SEMA4B: variants seen among roughly 807,000 people sequenced by gnomAD.
The protein encoded by SEMA4B is semaphorin 4B.
Under a neutral mutation model 88.1 loss-of-function variants are expected in SEMA4B, and 55 were observed. The observed-to-expected ratio is 0.62, with a 90% CI of 0.50 to 0.78. SEMA4B has a LOEUF of 0.78. SEMA4B is among the 30% of genes least tolerant of loss of function. The probability of loss-of-function intolerance (pLI) is 0.00; values close to 1 mark genes in which losing one functional copy is unlikely to be tolerated. For synonymous variants in SEMA4B, 525 were observed against 473.6 expected, an observed-to-expected ratio of 1.11 and a Z score of -1.41; for missense variants, 1,062 against 1,111.9, an observed-to-expected ratio of 0.96 and a Z score of 0.64.
intron 1 of SEMA4B, chr15:90,206,838 T>A: frequency 1.4e-6 from 1 of 726,652 alleles, no homozygotes; most frequent in Non-Finnish European, 2.5e-6. Context: ...AATGGGTAGG[T>A]CTCTGTCAAA....
At chr15:90,211,506 G>A (rs1435876010) in intron 1 of SEMA4B, among the ~76,000 whole-genome samples, 1 of 152,150 alleles carries the variant, frequency 6.6e-6, no homozygotes, top group Non-Finnish European at 1.5e-5. Context: ...GCAGAATGTG[G>A]CCCCCTCCTC....
upstream of SEMA4B, among the ~76,000 whole-genome samples, chr15:90,198,819 G>A (rs1052514774): frequency 6.6e-6 from 1 of 152,176 alleles, no homozygotes; most frequent in Admixed American, 6.5e-5. Context: ...ATGAGATGGG[G>A]GAACCCTTGG....
Position 90,225,309 on chromosome 15 carries a change from G to A in SEMA4B, c.1433G>A (p.Ser478Asn). The stretch of plus-strand genomic sequence containing the variant: ...GACGGCCGGCTCCACAAGGCAGTGA[G>A]CGTGGGCCCCCGGGTGCACATCATT... ...TGDGRLHKAV[S>N]VGPRVHIIEE... is the part of the protein sequence containing the mutation. Residue 478 changes from serine (S) to asparagine (N), a missense_variant, in exon 11 of 14, where the codon AGC becomes AAC. Ser to Asn is a conservative substitution (Grantham distance 46). Transcript: ENST00000411539. The A allele has an allele frequency of 6.4e-7, 1 of 1,559,202 alleles. No individual in the cohort carries two copies. The highest frequency in any genetic ancestry group is 8.7e-7 in the Non-Finnish European group (1 of 1,152,114).
intron 1 of SEMA4B, among the ~76,000 whole-genome samples, chr15:90,194,447 G>A (rs1007984631): frequency 3.9e-5 from 6 of 151,974 alleles, no homozygotes; most frequent in African/African-American, 4.8e-5. Context: ...CAGGAGAATC[G>A]CTTGAACCCA....
chr15:90,224,102 CT>C, intron 9 of SEMA4B, 114 bp downstream of exon 9: 1 of 958,144 alleles, frequency 1.0e-6, no homozygotes, highest in Non-Finnish European at 1.5e-6. Context: ...CTCTGAATCT[CT>C]TTTCTCATCT....
Position 90,221,669 on chromosome 15 carries a change from C to G in SEMA4B, c.765C>G (p.Gly255=). Residue 255 remains glycine, a synonymous_variant, in exon 7 of 14, where the codon GGC becomes GGG. Coordinates refer to ENST00000411539, the MANE Select transcript of SEMA4B (RefSeq NM_198925.4). ...CTGAGAGCCTGGGCAGCTTGCAAGG[C>G]GATGATGACAAGATCTACTTTTTCT... ...YIPESLGSLQ[G]DDDKIYFFFS... is the part of the protein sequence containing the mutation. 6.2e-7 allele frequency: 1 copy of G among 1,613,998 alleles called. No homozygotes were observed. The highest frequency in any genetic ancestry group is 1.1e-5 in the South Asian group (1 of 91,086).
chr15:90,225,934 C>T, intron 12 of SEMA4B, 107 bp downstream of exon 12: 1 of 848,562 alleles, frequency 1.2e-6, no homozygotes, highest in Non-Finnish European at 1.7e-6. Flanking sequence ...CGTTTATGTC[C>T]ACTGTCTCAG....
At chr15:90,185,924 A>ATTTT (rs398028319) in intron 1 of SEMA4B, among the ~76,000 whole-genome samples, 55 of 55,456 alleles carry the variant, frequency 9.9e-4, no homozygotes, top group African/African-American at 1.3e-3. Context: ...TCTTTTGGTG[A>ATTTT]TTTTTTTTTT....
At chr15:90,227,179 G>A (rs550209829) in intron 12 of SEMA4B, 1 of 214,110 alleles carries the variant, frequency 4.7e-6, no homozygotes, top group African/African-American at 2.3e-5. Context: ...TCCTGAGCAG[G>A]TGGAACCACA....
chr15:90,217,482 C>A lies in SEMA4B; in HGVS notation c.201C>A (p.Ile67=), dbSNP rs753763402. The change falls in exon 2 of 14, where the codon ATC becomes ATA. Residue 67 remains isoleucine, a synonymous_variant. Transcript: ENST00000411539. ...RPFLRFEAEH[I]SNYTALLLSR... is the part of the protein sequence containing the mutation. ...TCCTCAGATTCGAAGCTGAACACAT[C>A]TCCAACTACACAGCCCTTCTGCTGA... 6.2e-7 allele frequency: 1 copy of A among 1,613,936 alleles called. No individual in the cohort carries two copies. The highest frequency in any genetic ancestry group is 2.2e-5 in the East Asian group (1 of 44,884).
chr15:90,206,633 T>C (rs1961003932), intron 1 of SEMA4B: 8 of 645,020 alleles, frequency 1.2e-5, no homozygotes, highest in Middle Eastern at 3.1e-4. Flanking sequence ...ACAAGAGCTG[T>C]TGAAGACAGC....
Position 90,221,031 on chromosome 15 carries a change from T to C in SEMA4B, c.533T>C (p.Leu178Pro), listed in dbSNP as rs769553735. 5.0e-6 allele frequency: 8 copies of C among 1,611,394 alleles called. No homozygotes were observed. Among genetic ancestry groups the C allele is most frequent in the Admixed American group, 1.7e-5 (1 of 59,668 alleles). Residue 178 changes from leucine to proline, a missense_variant, in exon 5 of 14, where the codon CTG (leucine) becomes CCG (proline). Coordinates refer to ENST00000411539, the MANE Select transcript of SEMA4B (RefSeq NM_198925.4). ...AGGGACGAGAAGGGGAATGTCCTCC[T>C]GGAAGATGGCAAGGGCCGTTGTCCC... ...LARDEKGNVL[L>P]EDGKGRCPFD... is the part of the protein sequence containing the mutation.
At chr15:90,218,199 C>G (rs544950597) in intron 3 of SEMA4B, among the ~76,000 whole-genome samples, 1 of 152,144 alleles carries the variant, frequency 6.6e-6, no homozygotes, top group Non-Finnish European at 1.5e-5. Context: ...AGAGTTGTGT[C>G]CCTCTGCAGA....
intron 1 of SEMA4B, among the ~76,000 whole-genome samples, chr15:90,194,174 A>G: frequency 6.6e-6 from 1 of 152,000 alleles, no homozygotes; most frequent in Non-Finnish European, 1.5e-5. Context: ...TATGGATAAT[A>G]TGGAGAAATG....
chr15:90,194,198 G>A (rs1480139792), intron 1 of SEMA4B, among the ~76,000 whole-genome samples: 1 of 151,200 alleles, frequency 6.6e-6, no homozygotes, highest in Non-Finnish European at 1.5e-5. Context: ...GCTGAACAGT[G>A]CAGTTAGGAG....
Position 90,224,983 on chromosome 15 carries a change from G to A in SEMA4B, c.1210G>A (p.Ala404Thr). The A allele has an allele frequency of 6.2e-7, 1 of 1,613,912 alleles. No homozygotes were observed. The highest frequency in any genetic ancestry group is 8.5e-7 in the Non-Finnish European group (1 of 1,179,854). The stretch of plus-strand genomic sequence containing the variant: ...TCTCCTCCAGTGCATCACCAACAGT[G>A]CCCGGGAAAGGAAGATCAACTCATC... The part of the protein sequence containing the change: ...PRPGACITNS[A>T]RERKINSSLQ... Residue 404 changes from alanine to threonine, a missense_variant, in exon 10 of 14, where the codon GCC (alanine) becomes ACC (threonine). Transcript: ENST00000411539.
Position 90,219,866 on chromosome 15 carries a change from C to T in SEMA4B, c.458C>T (p.Ala153Val). The part of the protein sequence containing the change: ...GSHLFTCGTA[A>V]FSPMCTYINM... ...CACCTGTTCACCTGTGGCACAGCAG[C>T]CTTCAGCCCCATGTGTACCTACATC... Residue 153 changes from alanine to valine, a missense_variant, in exon 4 of 14, where the codon GCC becomes GTC. Physicochemically the swap from Ala to Val is moderately conservative, Grantham distance 64 (BLOSUM62 0). Transcript: ENST00000411539. The T allele has an allele frequency of 6.2e-7, 1 of 1,613,308 alleles. No homozygotes were observed. Among genetic ancestry groups the T allele is most frequent in the Non-Finnish European group, 8.5e-7 (1 of 1,179,704 alleles).
At chr15:90,226,983 A>C (rs1382960809) in intron 12 of SEMA4B, among the ~76,000 whole-genome samples, 1 of 152,134 alleles carries the variant, frequency 6.6e-6, no homozygotes, top group Non-Finnish European at 1.5e-5. Context: ...AAAGAAAAAG[A>C]GAGATCTATA....
chr15:90,228,208 C>T lies in SEMA4B; in HGVS notation c.2079C>T (p.Ile693=). Residue 693 remains isoleucine (I), a synonymous_variant, in exon 14 of 14, where the codon ATC becomes ATT. Transcript: ENST00000411539. The part of the protein sequence containing the change: ...TDEGGSVPVI[I]STSRVSAPAG... ...AGGGTGGCAGTGTACCCGTCATTAT[C>T]AGCACATCGCGTGTGAGTGCACCAG... The T allele has an allele frequency of 6.2e-7, 1 of 1,609,120 alleles. No homozygotes were observed. The highest frequency in any genetic ancestry group is 8.5e-7 in the Non-Finnish European group (1 of 1,177,472).
Sources: gnomAD v4.1 joint callset for allele counts (sites outside exome capture counted in the v4.1 genomes callset) on GRCh38, gnomAD v4.1.1 for gene constraint, MANE v1.5 for transcripts, NCBI Gene and HGNC (gene_info 2026-07-23, HGNC 2026-07-21) for gene names.